The following MYCBP2 variants were observed in gnomAD, a reference collection of about 807,000 sequenced individuals.
MYCBP2 encodes the protein E3 ubiquitin-protein ligase MYCBP2.
Under a neutral mutation model 525.3 loss-of-function variants are expected in MYCBP2, and 120 were observed. The ratio of observed to expected loss-of-function variants is 0.23; its 90% confidence interval spans 0.20 to 0.27. MYCBP2 has a LOEUF of 0.27. MYCBP2 is among the 10% of genes least tolerant of loss of function. The probability of loss-of-function intolerance (pLI) is 1.00; values close to 1 mark genes in which losing one functional copy is unlikely to be tolerated. For missense variants in MYCBP2, 4,149 were observed against 5,657.1 expected (o/e 0.73, Z 8.55); for synonymous variants, 1,894 against 1,955.8 (o/e 0.97, Z 0.83).
At chr13:77,076,505 A>C (rs1200109335) in intron 68 of MYCBP2, among the ~76,000 whole-genome samples, 5 of 152,202 alleles carry the variant, frequency 3.3e-5, no homozygotes, top group African/African-American at 1.2e-4. Context: ...TATAGCACAG[A>C]AATGATTACA....
At chr13:77,046,927 C>A (rs2154046329) in intron 82 of MYCBP2, among the ~76,000 whole-genome samples, 1 of 152,256 alleles carries the variant, frequency 6.6e-6, no homozygotes, top group Non-Finnish European at 1.5e-5. Flanking sequence ...GGAGAGTGCG[C>A]AGGATGGGGA....
rs1011410577 is a variant in MYCBP2, at chr13:77,326,189, G to A, written c.302+285C>T. On this transcript the variant is annotated intron_variant, in intron 1 of 82. Transcript: ENST00000544440. This position sits in a 1 kb window ranked among gnomAD's most constrained non-coding sequence, Gnocchi z 4.2. ...CCGACCAGCACCATCGCCTTTTCCA[G>A]CATCACAGGTTCCCCTACCACCCCT... Among the ~76,000 whole-genome samples the A allele has an allele frequency of 7.3e-5, 11 of 150,026 alleles. No homozygotes were observed. The highest frequency in any genetic ancestry group is 1.5e-4 in the Non-Finnish European group (10 of 67,724).
intron 81 of MYCBP2, 45 bp downstream of exon 81, chr13:77,051,766 T>C (rs781498274): frequency 2.5e-5 from 36 of 1,421,474 alleles, no homozygotes; most frequent in Non-Finnish European, 3.5e-5. Flanking sequence ...AATAATACTA[T>C]TTAACATTTC....
intron 2 of MYCBP2, among the ~76,000 whole-genome samples, chr13:77,294,113 T>TATACATAC (rs1384208106): frequency 1.9e-5 from 1 of 52,888 alleles, no homozygotes; most frequent in African/African-American, 5.0e-5. Flanking sequence ...GCTATATATA[T>TATACATAC]ATATATATAT....
At chr13:77,213,213 G>A (rs556617876) in intron 21 of MYCBP2, among the ~76,000 whole-genome samples, 2 of 152,184 alleles carry the variant, frequency 1.3e-5, no homozygotes, top group Admixed American at 6.5e-5. Context: ...AGTAGCTCAC[G>A]CCTGTAATCC....
rs566775819 is a variant in MYCBP2 at position 77,076,972 on chromosome 13, T to C, written c.11725-123A>G. On this transcript the variant is annotated intron_variant, in intron 67 of 82. Coordinates refer to ENST00000544440, the MANE Select transcript of MYCBP2 (RefSeq NM_015057.5). ...CTACTCTTGCTAATATACACCACTA[T>C]TTTTCTTAATTACAAATGCAACATG... 8 of 1,116,808 alleles carry C rather than the reference T, an allele frequency of 7.2e-6. No homozygotes were observed. The African/African-American group carries it at 9.5e-5, about 13-fold the overall frequency. 69.2% of individuals were successfully genotyped at this position (1,116,808 alleles called of 1,614,324 possible). A position where few individuals can be genotyped will look rare whatever the true frequency, so the allele number is the denominator to read the frequency against.
intron 76 of MYCBP2, among the ~76,000 whole-genome samples, chr13:77,060,738 A>T (rs2039130847): frequency 6.6e-6 from 1 of 152,198 alleles, no homozygotes; most frequent in East Asian, 1.9e-4. Flanking sequence ...GTCTACAAAA[A>T]CCTCTAAATA....
chr13:77,257,551 G>A, intron 14 of MYCBP2, 120 bp downstream of exon 14: 2 of 1,059,076 alleles, frequency 1.9e-6, no homozygotes, highest in Non-Finnish European at 2.6e-6. Context: ...AATTTAAATA[G>A]GAACAAAAAG....
At chr13:77,129,838 GA>G (rs1440407211) in intron 52 of MYCBP2, 1 of 151,206 alleles carries the variant, frequency 6.6e-6, no homozygotes, top group Non-Finnish European at 1.5e-5. Flanking sequence ...AATTTGATAA[GA>G]AAAACATAAT....
At chr13:77,067,277 C>CA (rs2040372832) in intron 71 of MYCBP2, among the ~76,000 whole-genome samples, 1 of 151,788 alleles carries the variant, frequency 6.6e-6, no homozygotes, top group Non-Finnish European at 1.5e-5. Flanking sequence ...TTTATTGTGG[C>CA]AAAAAAACAT....
intron 1 of MYCBP2, among the ~76,000 whole-genome samples, chr13:77,318,388 C>G (rs1279116138): frequency 2.0e-5 from 3 of 152,174 alleles, no homozygotes; most frequent in Non-Finnish European, 2.9e-5. Flanking sequence ...AATTCATGTC[C>G]TAACAAATGA....
intron 2 of MYCBP2, among the ~76,000 whole-genome samples, chr13:77,294,127 T>TATAC (rs1257797377): frequency 1.6e-4 from 10 of 60,856 alleles, no homozygotes; most frequent in Admixed American, 5.6e-4. Context: ...TATATATATA[T>TATAC]ATACATATAT....
At chr13:77,181,564 GAGA>G (rs2060222188) in intron 33 of MYCBP2, 134 bp downstream of exon 33, 1 of 493,378 alleles carries the variant, frequency 2.0e-6, no homozygotes, top group Non-Finnish European at 3.5e-6. Flanking sequence ...CTTAAAAATA[GAGA>G]AGAATAAGCA....
intron 51 of MYCBP2, among the ~76,000 whole-genome samples, chr13:77,139,704 T>C (rs2054300814): frequency 6.6e-6 from 1 of 152,192 alleles, no homozygotes; most frequent in Non-Finnish European, 1.5e-5. Flanking sequence ...CAGAAAAATA[T>C]ACTGTCCAAA....
chr13:77,323,781 C>T (rs546512884), intron 1 of MYCBP2, among the ~76,000 whole-genome samples: 32 of 152,272 alleles, frequency 2.1e-4, no homozygotes, highest in Non-Finnish European at 4.6e-4. Flanking sequence ...ATTATCAAAA[C>T]GAATAGGATA....
chr13:77,300,157 T>G (rs868740982), intron 1 of MYCBP2, among the ~76,000 whole-genome samples: 9 of 152,242 alleles, frequency 5.9e-5, no homozygotes, highest in African/African-American at 2.2e-4. Context: ...AAGATTTTAA[T>G]AAATCCAAAT....
intron 73 of MYCBP2, among the ~76,000 whole-genome samples, chr13:77,064,264 G>A (rs1056265811): frequency 1.3e-5 from 2 of 152,136 alleles, no homozygotes; most frequent in South Asian, 2.1e-4. Flanking sequence ...AAGGACCTTC[G>A]GTCTATCACA....
chr13:77,114,143 C>T (rs948960063), intron 55 of MYCBP2, among the ~76,000 whole-genome samples: 2 of 152,208 alleles, frequency 1.3e-5, no homozygotes, highest in African/African-American at 4.8e-5. Context: ...AGTCTAAATA[C>T]ATTAAGAATC....
At chr13:77,155,712 C>T (rs2057131706) in intron 46 of MYCBP2, among the ~76,000 whole-genome samples, 1 of 152,160 alleles carries the variant, frequency 6.6e-6, no homozygotes, top group Non-Finnish European at 1.5e-5. Context: ...CAAAACTATA[C>T]ACAAAATTTA....
Sources: allele counts gnomAD v4.1 joint callset (sites outside exome capture counted in the v4.1 genomes callset), GRCh38; gene constraint gnomAD v4.1.1; non-coding constraint Gnocchi (gnomAD v3.1); transcripts MANE v1.5; gene names NCBI Gene and HGNC (gene_info 2026-07-23, HGNC 2026-07-21).